Variants in SLCO1C1 observed in about 807,000 individuals in gnomAD.
SLCO1C1 encodes the protein solute carrier organic anion transporter family member 1C1.
Under a neutral mutation model 76.4 loss-of-function variants are expected in SLCO1C1, and 70 were observed. The ratio of observed to expected loss-of-function variants is 0.92; its 90% CI spans 0.76 to 1.12. The LOEUF (loss-of-function observed/expected upper bound fraction) is 1.12. Among genes scored for constraint, SLCO1C1 ranks in the 50% most tolerant of loss-of-function variants. The pLI is 0.00. For missense variants in SLCO1C1, 912 were observed against 823.8 expected (o/e 1.11, Z -1.31); for synonymous variants, 306 against 286.1 (o/e 1.07, Z -0.70).
intron 13 of SLCO1C1, 94 bp downstream of exon 13, chr12:20,743,463 A>G: frequency 2.0e-6 from 2 of 1,009,370 alleles, no homozygotes; most frequent in South Asian, 3.1e-5. Flanking sequence ...ATGCATAAAT[A>G]TATGTTGTAG....
At chr12:20,724,662 T>A (rs187052676) in intron 9 of SLCO1C1, among the ~76,000 whole-genome samples, 1,536 of 148,356 alleles carry the variant, frequency 0.01, 36 homozygotes, top group African/African-American at 0.036. Context: ...GTGTCTAGCT[T>A]TTTTCAACTG....
intron 4 of SLCO1C1, among the ~76,000 whole-genome samples, chr12:20,708,542 C>G (rs912504988): frequency 6.6e-6 from 1 of 151,966 alleles, no homozygotes; most frequent in African/African-American, 2.4e-5. Flanking sequence ...CAACGTATGG[C>G]TCACATAGTT....
At chr12:20,728,888 A>G (rs950211640) in intron 9 of SLCO1C1, among the ~76,000 whole-genome samples, 1 of 152,140 alleles carries the variant, frequency 6.6e-6, no homozygotes, top group Admixed American at 6.5e-5. Flanking sequence ...TGTAACAACA[A>G]TATAATAATA....
chr12:20,729,637 G>C (rs1392332095), intron 9 of SLCO1C1, among the ~76,000 whole-genome samples: 2 of 151,822 alleles, frequency 1.3e-5, no homozygotes, highest in Non-Finnish European at 2.9e-5. Flanking sequence ...ATGGCTGGTG[G>C]AACCTGTGAG....
intron 11 of SLCO1C1, among the ~76,000 whole-genome samples, chr12:20,737,611 T>C (rs1182204217): frequency 2.6e-5 from 4 of 152,166 alleles, no homozygotes; most frequent in African/African-American, 9.7e-5. Context: ...CCATGTCCCC[T>C]GGCCCTAAGA....
chr12:20,730,333 C>T (rs565357852), intron 9 of SLCO1C1, among the ~76,000 whole-genome samples: 119 of 152,044 alleles, frequency 7.8e-4, no homozygotes, highest in African/African-American at 2.7e-3. Context: ...GTAGGCACTT[C>T]AAGGATATAT....
chr12:20,732,993 C>T lies in SLCO1C1; in HGVS notation c.1271C>T (p.Ala424Val), dbSNP rs1465210322. The change falls in exon 10 of 15, where the codon GCT becomes GTT. Residue 424 changes from alanine (A) to valine (V), a missense_variant. Coordinates refer to ENST00000266509, the MANE Select transcript of SLCO1C1 (RefSeq NM_017435.5). ...AAATTCAGAATCAGTGTGTGTGGAG[C>T]TGCAAAACTCTACTTGGGATCATCT... ...MKKFRISVCG[A>V]AKLYLGSSVF... 10 of 1,613,722 alleles carry T rather than the reference C, an allele frequency of 6.2e-6. No individual in the cohort carries two copies. The highest frequency in any genetic ancestry group is 7.6e-6 in the Non-Finnish European group (9 of 1,179,904).
intron 7 of SLCO1C1, among the ~76,000 whole-genome samples, chr12:20,720,658 A>G (rs911903035): frequency 6.6e-5 from 10 of 152,258 alleles, no homozygotes; most frequent in African/African-American, 2.4e-4. Flanking sequence ...AACTATAATT[A>G]GAAATGAAGC....
chr12:20,710,639 A>G (rs1515777), intron 4 of SLCO1C1, among the ~76,000 whole-genome samples: 44,839 of 152,078 alleles, frequency 0.29, 8,670 homozygotes, highest in East Asian at 0.75. Context: ...TGGAATTAGA[A>G]GTAACTTGGT....
At chr12:20,716,263 A>T (rs939650561) in intron 6 of SLCO1C1, among the ~76,000 whole-genome samples, 5 of 152,148 alleles carry the variant, frequency 3.3e-5, no homozygotes, top group African/African-American at 1.2e-4. Context: ...TGCAACAAAC[A>T]CTTCATCACC....
chr12:20,706,915 G>T (rs1299995915), intron 4 of SLCO1C1, among the ~76,000 whole-genome samples: 1 of 152,108 alleles, frequency 6.6e-6, no homozygotes, highest in Non-Finnish European at 1.5e-5. Flanking sequence ...TATTTTAGAA[G>T]ATTATATTTC....
chr12:20,747,701 T>A (rs1241891845), intron 13 of SLCO1C1, among the ~76,000 whole-genome samples: 1 of 152,158 alleles, frequency 6.6e-6, no homozygotes. Context: ...TTTGTTTGGT[T>A]TTTGAGGCAC....
chr12:20,740,430 T>A (rs976746854), intron 12 of SLCO1C1, 62 bp downstream of exon 12: 1 of 1,471,992 alleles, frequency 6.8e-7, no homozygotes, highest in Admixed American at 2.4e-5. Flanking sequence ...GAGCAATGAT[T>A]TAAATTTTTT....
intron 9 of SLCO1C1, among the ~76,000 whole-genome samples, chr12:20,724,532 T>G (rs1389997020): frequency 1.4e-5 from 2 of 146,556 alleles, no homozygotes; most frequent in Non-Finnish European, 3.0e-5. Context: ...AAAGCTTAAC[T>G]CTCCTATCAG....
Position 20,712,685 on chromosome 12 carries a change from T to C in SLCO1C1, c.529+1175T>C, listed in dbSNP as rs1295126171. ...TCTCTTATCTATTCCACAAGACCTT[T>C]TCACTCCTCTAATATTCTCATTAGT... On this transcript the variant is annotated intron_variant, in intron 5 of 14. Transcript: ENST00000266509. Among the ~76,000 whole-genome samples the C allele has an allele frequency of 3.3e-5, 5 of 152,332 alleles. No individual in the cohort carries two copies. The South Asian group carries it at 8.3e-4, about 25-fold the overall frequency.
intron 13 of SLCO1C1, among the ~76,000 whole-genome samples, chr12:20,743,636 C>G (rs1948917871): frequency 1.3e-5 from 2 of 152,008 alleles, no homozygotes; most frequent in African/African-American, 4.8e-5. Flanking sequence ...AACAATCTTA[C>G]CTTTTCTAGT....
chr12:20,729,176 A>G (rs1202994899), intron 9 of SLCO1C1, among the ~76,000 whole-genome samples: 3 of 152,170 alleles, frequency 2.0e-5, no homozygotes, highest in Non-Finnish European at 2.9e-5. Context: ...GAAGAAACAC[A>G]TCTTATATGA....
At chr12:20,716,138 G>T (rs571990700) in intron 6 of SLCO1C1, among the ~76,000 whole-genome samples, 1 of 152,306 alleles carries the variant, frequency 6.6e-6, no homozygotes, top group East Asian at 1.9e-4. Context: ...GTATAATCTT[G>T]CCTTGGCTAT....
chr12:20,744,014 G>A (rs1948933602), intron 13 of SLCO1C1, among the ~76,000 whole-genome samples: 1 of 151,804 alleles, frequency 6.6e-6, no homozygotes, highest in Non-Finnish European at 1.5e-5. Context: ...CCATTTGTCA[G>A]AAAGGAACAA....
Sources: allele counts gnomAD v4.1 joint callset (sites outside exome capture counted in the v4.1 genomes callset), GRCh38; gene constraint gnomAD v4.1.1; transcripts MANE v1.5; gene names NCBI Gene and HGNC (gene_info 2026-07-23, HGNC 2026-07-21).